The following FER1L5 variants were observed in gnomAD, a reference collection of about 807,000 sequenced individuals.
The protein encoded by FER1L5 is fer-1 like family member 5, also known as fer-1-like protein 5.
Under a neutral mutation model 279.9 loss-of-function variants are expected in FER1L5, and 187 were observed. That is an observed-to-expected ratio of 0.67 (90% CI 0.59 to 0.75). The LOEUF is 0.75. Ranked by LOEUF, FER1L5 falls within the 30% of genes least tolerant of loss-of-function variation. FER1L5 has a pLI of 0.00. For synonymous variants in FER1L5, 921 were observed against 989.7 expected, an observed-to-expected ratio of 0.93 and a Z score of 1.30; for missense variants, 2,091 against 2,594.4, an observed-to-expected ratio of 0.81 and a Z score of 4.21.
chr2:96,653,380 A>G, intron 7 of FER1L5: 1 of 473,860 alleles, frequency 2.1e-6, no homozygotes, highest in Non-Finnish European at 3.7e-6. Context: ...CAGCATTCGT[A>G]ATAATGAAAA....
Position 96,702,555 on chromosome 2 carries a change from GGGGC to G in FER1L5, c.5256-44_5256-41del. 6.4e-7 allele frequency: 1 copy of G among 1,553,090 alleles called. No individual in the cohort carries two copies. On this transcript the variant is annotated intron_variant, in intron 47 of 52. Transcript: ENST00000624922. This position sits in a 1 kb window ranked among gnomAD's most constrained non-coding sequence, Gnocchi z 4.0. ...TCCCATGGGGCTCCAGCTGGGGGATGGGGCCAATGCACATGAGCCACAGGTGATA... is the reference window on the plus strand; with the variant it reads ...TCCCATGGGGCTCCAGCTGGGGGATGCAATGCACATGAGCCACAGGTGATA...
At chr2:96,680,764 T>C (rs1466197559) in intron 19 of FER1L5, among the ~76,000 whole-genome samples, 1 of 152,196 alleles carries the variant, frequency 6.6e-6, no homozygotes. Context: ...AAAGCAAACA[T>C]GCCCTTGTAA....
At position 96,698,993 on chromosome 2, in the gene FER1L5, C is replaced by G; in HGVS notation, c.4519-52C>G. 6.4e-7 allele frequency: 1 copy of G among 1,553,498 alleles called. No individual in the cohort carries two copies. The highest frequency in any genetic ancestry group is 8.7e-7 in the Non-Finnish European group (1 of 1,143,976). ...CCCTCCTCCCACCCTCCCTGACAAA[C>G]CTGGACGGCCTCCCCAGTTCCTATC... is the stretch of plus-strand genomic sequence containing the variant. On this transcript the variant is annotated intron_variant, in intron 41 of 52. Coordinates refer to ENST00000624922, the MANE Select transcript of FER1L5 (RefSeq NM_001293083.2). The surrounding 1 kb of genome is among the most constrained non-coding windows in gnomAD (Gnocchi z 5.5).
intron 23 of FER1L5, among the ~76,000 whole-genome samples, chr2:96,687,296 C>G (rs1450871235): frequency 6.6e-6 from 1 of 152,252 alleles, no homozygotes. Context: ...TTTGCCCTCT[C>G]CACCAACACG....
In FER1L5 at chr2:96,702,852, A is replaced by G; in HGVS notation, c.5397+111A>G. ...TTGCAATCTGTCCCAGAACATCAGA[A>G]ACATGTCCTCAGGTGGAAACCCTCT... On this transcript the variant is annotated intron_variant, in intron 48 of 52. Coordinates refer to ENST00000624922, the MANE Select transcript of FER1L5 (RefSeq NM_001293083.2). The surrounding 1 kb of genome is among the most constrained non-coding windows in gnomAD (Gnocchi z 4.0). 2.0e-6 allele frequency: 3 copies of G among 1,537,356 alleles called. No homozygotes were observed. The highest frequency in any genetic ancestry group is 2.6e-6 in the Non-Finnish European group (3 of 1,137,210).
At chr2:96,667,563 T>A (rs1295465503) in intron 14 of FER1L5, among the ~76,000 whole-genome samples, 4 of 152,038 alleles carry the variant, frequency 2.6e-5, no homozygotes, top group African/African-American at 7.2e-5. Flanking sequence ...GCCAGGCTGA[T>A]CTTGAACTCC....
chr2:96,651,906 G>T lies in FER1L5; in HGVS notation c.519G>T (p.Val173=), dbSNP rs1416991650. The change falls in exon 7 of 53, where the codon GTG becomes GTT. Residue 173 remains valine, a synonymous_variant. Coordinates refer to ENST00000624922, the MANE Select transcript of FER1L5 (RefSeq NM_001293083.2). ...KPQHFQVRVK[V]FEARQLMGNN... The stretch of plus-strand genomic sequence containing the variant: ...TCCGCCCTTAGGTTCGAGTGAAGGT[G>T]TTTGAAGCCCGACAGCTCATGGGCA... 7.1e-6 allele frequency: 11 copies of T among 1,552,006 alleles called. No homozygotes were observed. Among genetic ancestry groups the T allele is most frequent in the Non-Finnish European group, 9.6e-6 (11 of 1,147,086 alleles).
At chr2:96,664,559 T>C (rs1361400920) in intron 14 of FER1L5, among the ~76,000 whole-genome samples, 1 of 152,272 alleles carries the variant, frequency 6.6e-6, no homozygotes, top group Non-Finnish European at 1.5e-5. Flanking sequence ...TATTCCATTG[T>C]ATGGATGTAC....
intron 14 of FER1L5, among the ~76,000 whole-genome samples, chr2:96,667,789 C>T (rs904301150): frequency 7.2e-5 from 11 of 152,206 alleles, no homozygotes; most frequent in African/African-American, 2.7e-4. Flanking sequence ...TGTATGAGGA[C>T]AGTAATATCT....
intron 12 of FER1L5, among the ~76,000 whole-genome samples, 175 bp from the exon 13 acceptor site, chr2:96,662,040 C>G (rs1346793234): frequency 6.6e-6 from 1 of 152,168 alleles, no homozygotes; most frequent in East Asian, 1.9e-4. Context: ...TATGTCCCCC[C>G]ACCCCATGCC....
chr2:96,702,891 A>G lies in FER1L5; in HGVS notation c.5398-87A>G. The G allele has an allele frequency of 6.5e-7, 1 of 1,534,670 alleles. No homozygotes were observed. The highest frequency in any genetic ancestry group is 8.8e-7 in the Non-Finnish European group (1 of 1,131,714). On this transcript the variant is annotated intron_variant, in intron 48 of 52. Coordinates refer to ENST00000624922, the MANE Select transcript of FER1L5 (RefSeq NM_001293083.2). This position sits in a 1 kb window ranked among gnomAD's most constrained non-coding sequence, Gnocchi z 4.0. ...TGGAAACCCTCTTCCTTGATAGTCT[A>G]TCACTGCTGGGTGGAGGGCCACTGA...
chr2:96,695,914 T>G lies in FER1L5; in HGVS notation c.4057+10T>G. 1 of 1,612,906 alleles carries G rather than the reference T, an allele frequency of 6.2e-7. No individual in the cohort carries two copies. Among genetic ancestry groups the G allele is most frequent in the Non-Finnish European group, 8.5e-7 (1 of 1,179,542 alleles). On this transcript the variant is annotated intron_variant, in intron 36 of 52. Coordinates refer to ENST00000624922, the MANE Select transcript of FER1L5 (RefSeq NM_001293083.2). ...CACCCAAAGCTTCCAAGTACGGCCC[T>G]TCCTCCGTGCCTTTCCCCAGGCCTC...
chr2:96,693,123 C>T (rs1316781268), intron 31 of FER1L5, among the ~76,000 whole-genome samples: 4 of 151,528 alleles, frequency 2.6e-5, no homozygotes, highest in Non-Finnish European at 4.4e-5. Context: ...TTGCAGTGAG[C>T]CGAGATGTGC....
rs1200291062 is a variant in FER1L5 at position 96,704,290 on chromosome 2, C to T, written c.5877C>T (p.Arg1959=). The change falls in exon 52 of 53, where the codon CGC becomes CGT. Residue 1959 remains arginine, a synonymous_variant. Transcript: ENST00000624922. ...NFCYIFWKRY[R]FKLIAFMVIS... The stretch of plus-strand genomic sequence containing the variant: ...GCTATATTTTCTGGAAACGCTATCG[C>T]TTCAAACTCATAGCCTTTATGGTCA... The T allele has an allele frequency of 3.7e-6, 6 of 1,614,012 alleles. No individual in the cohort carries two copies. The highest frequency in any genetic ancestry group is 5.1e-6 in the Non-Finnish European group (6 of 1,179,890).
chr2:96,679,233 T>G (rs1344129821), intron 19 of FER1L5, among the ~76,000 whole-genome samples: 1 of 151,912 alleles, frequency 6.6e-6, no homozygotes, highest in Non-Finnish European at 1.5e-5. Flanking sequence ...CTATAGTTTT[T>G]TTTTTTTTTG....
Position 96,686,041 on chromosome 2 carries a change from CCAAG to C in FER1L5, c.2003_2006del (p.Gln668ProfsTer31). On this transcript the variant is annotated frameshift_variant, in exon 22 of 53. Coordinates refer to ENST00000624922, the MANE Select transcript of FER1L5 (RefSeq NM_001293083.2). LOFTEE classifies it high-confidence loss of function. Reference sequence around the variant, plus strand: ...CTCCTGCAGGAACTGGCCCAAAAGGCCAAGCAAGCCAAGCCCAAGGACATGGTGG... The same window carrying C: ...CTCCTGCAGGAACTGGCCCAAAAGGCCAAGCCAAGCCCAAGGACATGGTGG... The C allele has an allele frequency of 6.4e-7, 1 of 1,551,622 alleles. No homozygotes were observed.
At position 96,650,139 on chromosome 2, in the gene FER1L5, G is replaced by A. The variant is rs997989824; in HGVS notation, c.395-41G>A. On this transcript the variant is annotated intron_variant, in intron 5 of 52. Transcript: ENST00000624922. ...GGGGAAAATACCTCAAACCTCCTGG[G>A]CCCCAGGCCTCTGACCCCACCCTGC... 3.4e-6 allele frequency: 5 copies of A among 1,471,766 alleles called. No individual in the cohort carries two copies. In the African/African-American group the frequency reaches 5.6e-5, roughly 16 times the overall value. The allele number at this position is 1,471,766 out of a possible 1,614,324, so 91.2% of individuals were successfully genotyped here.
At position 96,689,364 on chromosome 2, in the gene FER1L5, A is replaced by T; in HGVS notation, c.2513A>T (p.Glu838Val). Residue 838 changes from glutamate (E) to valine (V), a missense_variant, in exon 25 of 53, where the codon GAA (glutamate) becomes GTA (valine). Glu to Val is a moderately radical substitution (Grantham distance 121, BLOSUM62 -2). Coordinates refer to ENST00000624922, the MANE Select transcript of FER1L5 (RefSeq NM_001293083.2). The surrounding 1 kb of genome is among the most constrained non-coding windows in gnomAD (Gnocchi z 4.6). ...CACTGGCAGGACAGCTGGACAGTGG[A>T]ACCTCAGAGAAGGTAAGGCCAGAGG... ...GWHWQDSWTVEPQRRLLLDID... is the reference protein window; with the variant it reads ...GWHWQDSWTVVPQRRLLLDID... 1 of 1,549,802 alleles carries T rather than the reference A, an allele frequency of 6.5e-7. No homozygotes were observed. The highest frequency in any genetic ancestry group is 8.7e-7 in the Non-Finnish European group (1 of 1,146,554).
intron 14 of FER1L5, among the ~76,000 whole-genome samples, chr2:96,668,517 G>GAGC (rs967192260): frequency 2.0e-5 from 3 of 152,156 alleles, no homozygotes; most frequent in Admixed American, 1.3e-4. Flanking sequence ...CTAGGTGACA[G>GAGC]AGCAGCACCC....
Sources: allele counts gnomAD v4.1 joint callset (sites outside exome capture counted in the v4.1 genomes callset), GRCh38; gene constraint gnomAD v4.1.1; non-coding constraint Gnocchi (gnomAD v3.1); transcripts MANE v1.5; gene names NCBI Gene and HGNC (gene_info 2026-07-23, HGNC 2026-07-21).